The following PDZRN4 variants were observed in gnomAD, a reference collection of about 807,000 sequenced individuals.
PDZRN4 encodes PDZ domain containing ring finger 4.
Under a neutral mutation model 99.0 loss-of-function variants are expected in PDZRN4, and 70 were observed. The observed-to-expected ratio is 0.71, with a 90% CI of 0.58 to 0.86. The LOEUF is 0.86. Among genes scored for constraint, PDZRN4 ranks in the 40% least tolerant of loss-of-function variants. The pLI is 0.00. For missense variants in PDZRN4, 1,474 were observed against 1,331.2 expected, an observed-to-expected ratio of 1.11 and a Z score of -1.67; for synonymous variants, 551 against 501.6, an observed-to-expected ratio of 1.10 and a Z score of -1.32.
chr12:41,452,549 T>G (rs969284717), intron 3 of PDZRN4, among the ~76,000 whole-genome samples: 1 of 152,156 alleles, frequency 6.6e-6, no homozygotes. Flanking sequence ...GAAGCCATCA[T>G]GCATAGCAAA....
chr12:41,555,649 G>C, intron 6 of PDZRN4, 49 bp from the exon 7 acceptor site: 1 of 1,381,578 alleles, frequency 7.2e-7, no homozygotes, highest in Non-Finnish European at 1.0e-6. Flanking sequence ...TTAAGTTCTT[G>C]AGGGAATGTT....
At chr12:41,267,272 T>A (rs1195717516) in intron 3 of PDZRN4, among the ~76,000 whole-genome samples, 3 of 152,194 alleles carry the variant, frequency 2.0e-5, no homozygotes, top group African/African-American at 7.2e-5. Flanking sequence ...ACCCCTCCTG[T>A]GCCTGTGGCA....
chr12:41,443,435 C>A (rs1426399933), intron 3 of PDZRN4, among the ~76,000 whole-genome samples: 1 of 152,134 alleles, frequency 6.6e-6, no homozygotes, highest in Non-Finnish European at 1.5e-5. Context: ...AAGAGGCAGA[C>A]TCCCTGGGTA....
chr12:41,372,282 G>A (rs1269692679), intron 3 of PDZRN4, among the ~76,000 whole-genome samples: 1 of 152,100 alleles, frequency 6.6e-6, no homozygotes, highest in Non-Finnish European at 1.5e-5. Context: ...CATTCATTTA[G>A]CAACTATTCA....
intron 3 of PDZRN4, among the ~76,000 whole-genome samples, chr12:41,352,032 A>G (rs1031347365): frequency 9.0e-5 from 13 of 144,132 alleles, no homozygotes; most frequent in African/African-American, 3.1e-4. Context: ...AAAAATGAGA[A>G]AGTAGAGCTG....
In PDZRN4 at chr12:41,445,073, G is replaced by A. The variant is rs912052687; in HGVS notation, c.844-61383G>A. ...TTCTTTATATTTTCACTGTTTAATT[G>A]ACACAGACCTAAGAGAAAGGCAGCC... is the stretch of plus-strand genomic sequence containing the variant. On this transcript the variant is annotated intron_variant, in intron 3 of 9. Transcript: ENST00000402685. Among the ~76,000 whole-genome samples, 5 of 151,682 alleles carry A rather than the reference G, an allele frequency of 3.3e-5. No individual in the cohort carries two copies. In the East Asian group the frequency reaches 7.8e-4, roughly 24 times the overall value.
At chr12:41,359,560 G>C (rs1308133595) in intron 3 of PDZRN4, among the ~76,000 whole-genome samples, 1 of 151,846 alleles carries the variant, frequency 6.6e-6, no homozygotes, top group Admixed American at 6.6e-5. Flanking sequence ...ATGGGGCGGG[G>C]GGTTCTTTCC....
intron 3 of PDZRN4, among the ~76,000 whole-genome samples, chr12:41,255,361 T>A (rs1320123431): frequency 2.0e-5 from 3 of 152,176 alleles, no homozygotes; most frequent in Non-Finnish European, 4.4e-5. Flanking sequence ...AGATCTAAAC[T>A]GGGGCTGTTC....
At chr12:41,332,923 A>T (rs562090018) in intron 3 of PDZRN4, among the ~76,000 whole-genome samples, 64 of 152,182 alleles carry the variant, frequency 4.2e-4, no homozygotes, top group Non-Finnish European at 9.1e-4. Flanking sequence ...CCTTGCATGG[A>T]TCCACCCATT....
intron 3 of PDZRN4, among the ~76,000 whole-genome samples, chr12:41,214,260 A>AT (rs1415759347): frequency 7.0e-6 from 1 of 143,572 alleles, no homozygotes; most frequent in Non-Finnish European, 1.5e-5. Context: ...TTTAAAAAAA[A>AT]AAAAAAAAAA....
intron 3 of PDZRN4, among the ~76,000 whole-genome samples, chr12:41,222,168 T>A (rs907821903): frequency 2.0e-5 from 3 of 152,202 alleles, no homozygotes; most frequent in Non-Finnish European, 4.4e-5. Context: ...ATGCAGACTA[T>A]CGGAAATTGT....
rs1939506701 is a variant in PDZRN4, at chr12:41,572,841, A to G, written c.2062A>G (p.Arg688Gly). 2.5e-6 allele frequency: 4 copies of G among 1,614,138 alleles called. No homozygotes were observed. The highest frequency in any genetic ancestry group is 3.4e-6 in the Non-Finnish European group (4 of 1,179,990). ...GTGTCAGAATATCATGCAGGCTCAC[A>G]GGCTCCAGAAAGTGACAGACCAGTA... ...LECQNIMQAH[R>G]LQKVTDQYGD... The change falls in exon 10 of 10, where the codon AGG (arginine) becomes GGG (glycine). Residue 688 changes from arginine to glycine, a missense_variant. Physicochemically the swap from Arg to Gly is moderately radical, Grantham distance 125 (BLOSUM62 -2). Transcript: ENST00000402685.
At chr12:41,525,823 T>C (rs1379240221) in intron 5 of PDZRN4, among the ~76,000 whole-genome samples, 1 of 152,094 alleles carries the variant, frequency 6.6e-6, no homozygotes, top group East Asian at 1.9e-4. Context: ...TAGGTCTGAA[T>C]ATATTCAAGT....
At chr12:41,237,479 T>C (rs1951075066) in intron 3 of PDZRN4, among the ~76,000 whole-genome samples, 8 of 152,178 alleles carry the variant, frequency 5.3e-5, no homozygotes, top group Admixed American at 5.2e-4. Context: ...ATGTGTTGCT[T>C]TGTAATGTAT....
chr12:41,557,430 A>T (rs1939187943), intron 7 of PDZRN4, among the ~76,000 whole-genome samples: 1 of 152,112 alleles, frequency 6.6e-6, no homozygotes, highest in African/African-American at 2.4e-5. Context: ...GGAATCCGAA[A>T]ACCAGGGTTT....
At chr12:41,330,045 AG>A (rs1162358454) in intron 3 of PDZRN4, among the ~76,000 whole-genome samples, 1 of 152,140 alleles carries the variant, frequency 6.6e-6, no homozygotes, top group African/African-American at 2.4e-5. Context: ...TCAAGAGAAA[AG>A]CTAAATCATT....
intron 3 of PDZRN4, among the ~76,000 whole-genome samples, chr12:41,196,162 C>G (rs989149288): frequency 6.6e-6 from 1 of 151,848 alleles, no homozygotes; most frequent in Non-Finnish European, 1.5e-5. Context: ...ATCTAGACAC[C>G]TACATAGTAC....
chr12:41,357,946 T>G (rs904211278), intron 3 of PDZRN4, among the ~76,000 whole-genome samples: 16 of 152,026 alleles, frequency 1.1e-4, no homozygotes, highest in African/African-American at 3.9e-4. Context: ...ACAGGCCATA[T>G]GCAACCCAAG....
At chr12:41,302,111 C>T (rs549446491) in intron 3 of PDZRN4, among the ~76,000 whole-genome samples, 14 of 151,930 alleles carry the variant, frequency 9.2e-5, no homozygotes, top group African/African-American at 2.4e-4. Flanking sequence ...TATATATGTG[C>T]ATATGCATAC....
Sources: allele counts gnomAD v4.1 joint callset (sites outside exome capture counted in the v4.1 genomes callset), GRCh38; gene constraint gnomAD v4.1.1; transcripts MANE v1.5; gene names NCBI Gene and HGNC (gene_info 2026-07-23, HGNC 2026-07-21).